The following SLC44A5 variants were observed in gnomAD, a reference collection of about 807,000 sequenced individuals.
The protein encoded by SLC44A5 is choline transporter-like protein 5.
Under a neutral mutation model 101.8 loss-of-function variants are expected in SLC44A5, and 57 were observed. The ratio of observed to expected loss-of-function variants is 0.56; its 90% CI spans 0.45 to 0.70. SLC44A5 has a LOEUF of 0.70. SLC44A5 is among the 30% of genes least tolerant of loss of function. The pLI, the probability that SLC44A5 is intolerant of heterozygous loss-of-function variation, is 0.00. For missense variants in SLC44A5, 737 were observed against 853.1 expected, an observed-to-expected ratio of 0.86 and a Z score of 1.70; for synonymous variants, 281 against 290.9, an observed-to-expected ratio of 0.97 and a Z score of 0.35.
intron 3 of SLC44A5, among the ~76,000 whole-genome samples, chr1:75,376,509 C>T (rs1462972294): frequency 6.6e-6 from 1 of 152,204 alleles, no homozygotes; most frequent in Non-Finnish European, 1.5e-5. Context: ...CAGACTGCCT[C>T]CTCAAGAGGG....
At chr1:75,681,197 G>C in the SLC44A5 span, among the ~76,000 whole-genome samples, 1 of 151,398 alleles carries the variant, frequency 6.6e-6, no homozygotes, top group Non-Finnish European at 1.5e-5. Flanking sequence ...GGAGGAACTG[G>C]TACCTTCTGA....
chr1:75,695,550 C>G, the SLC44A5 span, among the ~76,000 whole-genome samples: 2 of 151,898 alleles, frequency 1.3e-5, no homozygotes, highest in South Asian at 2.1e-4. Flanking sequence ...GTTATCAACA[C>G]TTTAAGGAGC....
intron 2 of SLC44A5, among the ~76,000 whole-genome samples, chr1:75,445,516 A>ATGTATATATTACGTAATATATACAT (rs1553181481): frequency 5.4e-4 from 67 of 123,666 alleles, no homozygotes; most frequent in African/African-American, 1.5e-3. Context: ...CACACAATAT[A>ATGTATATATTACGTAATATATACAT]ATATATGTAT....
intron 2 of SLC44A5, among the ~76,000 whole-genome samples, chr1:75,473,053 G>A (rs192571984): frequency 3.9e-5 from 6 of 152,164 alleles, no homozygotes; most frequent in Admixed American, 6.5e-5. Context: ...CTGTAATTCA[G>A]TGTTGGCAAT....
At chr1:75,538,262 GTA>G (rs1223224758) in intron 2 of SLC44A5, 1 of 152,118 alleles carries the variant, frequency 6.6e-6, no homozygotes, top group Non-Finnish European at 1.5e-5. Context: ...TTATGTGTGT[GTA>G]TGTTTATGAT....
chr1:75,700,350 A>T, the SLC44A5 span, among the ~76,000 whole-genome samples: 4 of 152,004 alleles, frequency 2.6e-5, no homozygotes, highest in South Asian at 4.2e-4. Flanking sequence ...GGATTAAGAA[A>T]CTCACTCAAA....
chr1:75,704,410 GCC>G, the SLC44A5 span, among the ~76,000 whole-genome samples: 1 of 152,064 alleles, frequency 6.6e-6, no homozygotes, highest in Admixed American at 6.5e-5. Flanking sequence ...GACTGCTTGA[GCC>G]CAGGAGTTCA....
intron 6 of SLC44A5, among the ~76,000 whole-genome samples, chr1:75,268,039 A>T (rs995552287): frequency 3.3e-5 from 5 of 152,194 alleles, no homozygotes; most frequent in Admixed American, 6.5e-5. Flanking sequence ...CTCTGCACTT[A>T]TAAATAATCC....
chr1:75,303,397 G>A (rs760021946), intron 4 of SLC44A5, among the ~76,000 whole-genome samples: 3 of 152,032 alleles, frequency 2.0e-5, no homozygotes, highest in Admixed American at 6.6e-5. Flanking sequence ...CACCATGCCC[G>A]GCTAATTTTT....
At chr1:75,339,367 T>A (rs986757968) in intron 4 of SLC44A5, among the ~76,000 whole-genome samples, 11 of 152,196 alleles carry the variant, frequency 7.2e-5, no homozygotes, top group African/African-American at 2.7e-4. Flanking sequence ...GTAAGGCAGT[T>A]CATTTGCTAA....
chr1:75,341,264 G>C (rs1196495609), intron 3 of SLC44A5, among the ~76,000 whole-genome samples: 1 of 152,168 alleles, frequency 6.6e-6, no homozygotes, highest in African/African-American at 2.4e-5. Context: ...ACTTTGAAAA[G>C]CCAAGGCTGG....
At chr1:75,212,821 G>A (rs909576134) in intron 22 of SLC44A5, among the ~76,000 whole-genome samples, 19 of 152,046 alleles carry the variant, frequency 1.2e-4, no homozygotes, top group African/African-American at 4.6e-4. Flanking sequence ...TTTTTGAAAT[G>A]TGGGTTAAAT....
chr1:75,502,322 T>C (rs112985161), intron 2 of SLC44A5, among the ~76,000 whole-genome samples: 1,899 of 152,296 alleles, frequency 0.012, 35 homozygotes, highest in African/African-American at 0.043. Context: ...GGCACAGATT[T>C]AGCTGAATAA....
intron 1 of SLC44A5, among the ~76,000 whole-genome samples, chr1:75,559,198 G>C (rs1430818624): frequency 6.6e-6 from 1 of 151,892 alleles, no homozygotes; most frequent in African/African-American, 2.4e-5. Flanking sequence ...TATATAAACA[G>C]TTCCTAATAG....
the SLC44A5 span, among the ~76,000 whole-genome samples, chr1:75,721,864 C>T: frequency 1.3e-5 from 2 of 152,294 alleles, no homozygotes; most frequent in East Asian, 3.9e-4. Context: ...AATGGGCAAT[C>T]ATTCATAGGA....
intron 2 of SLC44A5, among the ~76,000 whole-genome samples, chr1:75,404,377 A>G (rs1306608174): frequency 6.6e-6 from 1 of 152,210 alleles, no homozygotes; most frequent in Non-Finnish European, 1.5e-5. Context: ...GAGGAGAGCA[A>G]CCCAAAGACA....
chr1:75,637,581 T>C, the SLC44A5 span, among the ~76,000 whole-genome samples: 1 of 151,992 alleles, frequency 6.6e-6, no homozygotes, highest in African/African-American at 2.4e-5. Context: ...AATAATGGTA[T>C]GGTTGTACAA....
the SLC44A5 span, among the ~76,000 whole-genome samples, chr1:75,654,517 G>A: frequency 1.3e-5 from 2 of 152,110 alleles, no homozygotes; most frequent in East Asian, 3.8e-4. Context: ...ACAAAAGTTA[G>A]CCCTAGAAAC....
intron 1 of SLC44A5, among the ~76,000 whole-genome samples, chr1:75,546,729 G>T (rs1163078194): frequency 1.3e-5 from 2 of 152,022 alleles, no homozygotes; most frequent in Admixed American, 6.6e-5. Flanking sequence ...TTGTTCCAAT[G>T]CTCCTTAATC....
Sources: allele counts gnomAD v4.1 joint callset (sites outside exome capture counted in the v4.1 genomes callset), GRCh38; gene constraint gnomAD v4.1.1; transcripts MANE v1.5; gene names NCBI Gene and HGNC (gene_info 2026-07-23, HGNC 2026-07-21).